Variants in FANCI observed in about 807,000 individuals in gnomAD.
FANCI encodes FA complementation group I.
Under a neutral mutation model 176.1 loss-of-function variants are expected in FANCI, and 156 were observed. That is an observed-to-expected ratio of 0.89 (90% CI 0.78 to 1.01). The LOEUF (loss-of-function observed/expected upper bound fraction) is 1.01, where lower values mean the gene tolerates loss of function less well. Ranked by LOEUF, FANCI falls within the 50% of genes least tolerant of loss-of-function variation. The pLI, the probability that FANCI is intolerant of heterozygous loss-of-function variation, is 0.00. For missense variants in FANCI, 1,678 were observed against 1,534.1 expected (o/e 1.09, Z -1.57); for synonymous variants, 613 against 541.7 (o/e 1.13, Z -1.83).
chr15:89,247,658 AGATTTT>A lies in FANCI; in HGVS notation c.12_17del (p.Ile5_Leu6del). ...GTGATATGAGCAACAATGGACCAGA[AGATTTT>A]ATCTCTAGCAGCAGAAAAAACAGCA... On this transcript the variant is annotated inframe_deletion, in exon 2 of 38. Transcript: ENST00000310775. 1 of 1,614,004 alleles carries A rather than the reference AGATTTT, an allele frequency of 6.2e-7. No homozygotes were observed. The highest frequency in any genetic ancestry group is 8.5e-7 in the Non-Finnish European group (1 of 1,179,936).
At chr15:89,284,006 C>T (rs2053722885) in intron 17 of FANCI, among the ~76,000 whole-genome samples, 1 of 152,086 alleles carries the variant, frequency 6.6e-6, no homozygotes, top group African/African-American at 2.4e-5. Context: ...CGTGATCCAC[C>T]CGCCTCGGCC....
intron 3 of FANCI, among the ~76,000 whole-genome samples, chr15:89,260,085 C>T (rs2052651674): frequency 6.6e-6 from 1 of 151,986 alleles, no homozygotes. Flanking sequence ...ATTAGGATGC[C>T]AATTTTTTCA....
At chr15:89,311,310 T>C (rs2054949924) in intron 34 of FANCI, among the ~76,000 whole-genome samples, 1 of 151,890 alleles carries the variant, frequency 6.6e-6, no homozygotes. Context: ...TCCCAGCTAC[T>C]CGGGAAGCTG....
intron 24 of FANCI, among the ~76,000 whole-genome samples, chr15:89,295,719 G>A (rs1298836677): frequency 6.9e-6 from 1 of 144,800 alleles, no homozygotes; most frequent in Non-Finnish European, 1.5e-5. Flanking sequence ...TTCTAGTCTT[G>A]CCTTCCCCTG....
chr15:89,268,316 CCG>C (rs535052862), intron 9 of FANCI, 81 bp from the exon 10 acceptor site: 158 of 1,492,368 alleles, frequency 1.1e-4, no homozygotes, highest in East Asian at 7.0e-4. Context: ...AGTGATGCGC[CCG>C]CCTTGGCCTC....
chr15:89,278,103 T>A (rs986697059), intron 13 of FANCI, among the ~76,000 whole-genome samples: 1 of 152,246 alleles, frequency 6.6e-6, no homozygotes, highest in Non-Finnish European at 1.5e-5. Flanking sequence ...CACATGGATG[T>A]CGGCTTTATC....
At chr15:89,262,969 A>G (rs983803702) in intron 6 of FANCI, among the ~76,000 whole-genome samples, 1 of 152,236 alleles carries the variant, frequency 6.6e-6, no homozygotes, top group African/African-American at 2.4e-5. Flanking sequence ...CCTGGCCTCA[A>G]GGGATCCTCC....
intron 2 of FANCI, among the ~76,000 whole-genome samples, chr15:89,252,794 CTA>C (rs1224706857): frequency 6.6e-6 from 1 of 152,124 alleles, no homozygotes; most frequent in Non-Finnish European, 1.5e-5. Context: ...CGAAAAAAAA[CTA>C]TGAAACACTT....
At chr15:89,267,331 AATTTT>A (rs2053008440) in intron 9 of FANCI, among the ~76,000 whole-genome samples, 1 of 145,216 alleles carries the variant, frequency 6.9e-6, no homozygotes, top group South Asian at 2.1e-4. Context: ...AAAAAAAAAA[AATTTT>A]TTTTTTTTTT....
chr15:89,314,032 G>A lies in FANCI; in HGVS notation c.3721-580G>A, dbSNP rs151209723. 2.6e-4 allele frequency among the ~76,000 whole-genome samples: 38 copies of A among 143,820 alleles called. No homozygotes were observed. In the East Asian group the frequency reaches 7.5e-3, roughly 29 times the overall value. The allele number at this position is 143,820 out of a possible 152,430, so 94.4% of individuals were successfully genotyped here. A position where few individuals can be genotyped will look rare whatever the true frequency, so the allele number is the denominator to read the frequency against. ...GTAGGACCTACAAATTACAGTTCAC[G>A]TTAGGGGGAAAGATATATAATCACA... On this transcript the variant is annotated intron_variant, in intron 35 of 37. Coordinates refer to ENST00000310775, the MANE Select transcript of FANCI (RefSeq NM_001113378.2).
At position 89,294,010 on chromosome 15, in the gene FANCI, T is replaced by TA; in HGVS notation, c.2456+14dup. Reference sequence around the variant, plus strand: ...CTGCTCTTTTCAGGTAAGGTTCTGCTAGAGTGCTTAAAGACAGCCACTCCC... The same window carrying TA: ...CTGCTCTTTTCAGGTAAGGTTCTGCTAAGAGTGCTTAAAGACAGCCACTCCC... On this transcript the variant is annotated intron_variant, in intron 23 of 37. Transcript: ENST00000310775. 6.2e-7 allele frequency: 1 copy of TA among 1,614,062 alleles called. No individual in the cohort carries two copies. Among genetic ancestry groups the TA allele is most frequent in the South Asian group, 1.1e-5 (1 of 91,074 alleles).
intron 24 of FANCI, 130 bp downstream of exon 24, chr15:89,295,224 T>C (rs2054207919): frequency 1.9e-6 from 2 of 1,074,690 alleles, no homozygotes; most frequent in Non-Finnish European, 2.6e-6. Context: ...TATAAAACAT[T>C]AGCCAGGTGG....
At chr15:89,285,048 G>A in intron 17 of FANCI, 48 bp from the exon 18 acceptor site, 1 of 1,612,908 alleles carries the variant, frequency 6.2e-7, no homozygotes, top group South Asian at 1.1e-5. Flanking sequence ...CTCCTTATTG[G>A]AAACAGCTTT....
intron 34 of FANCI, among the ~76,000 whole-genome samples, chr15:89,308,954 A>AT (rs1357830408): frequency 1.3e-5 from 2 of 151,876 alleles, no homozygotes; most frequent in Non-Finnish European, 1.5e-5. Flanking sequence ...TCAAAAAAAA[A>AT]AAAAATAAAG....
Position 89,312,921 on chromosome 15 carries a change from G to C in FANCI, c.3669G>C (p.Leu1223=). 6.2e-7 allele frequency: 1 copy of C among 1,613,754 alleles called. No homozygotes were observed. Residue 1223 remains leucine, a synonymous_variant, in exon 35 of 38, where the codon CTG becomes CTC. Coordinates refer to ENST00000310775, the MANE Select transcript of FANCI (RefSeq NM_001113378.2). ...TTCTTTAGAATAAGAGTAAGAGCCT[G>C]AACTATACGGGAGAGAAAAAGGAGA... The part of the protein sequence containing the change: ...ISYVQNKSKS[L]NYTGEKKEKP...
intron 24 of FANCI, among the ~76,000 whole-genome samples, chr15:89,296,411 T>C (rs201402517): frequency 8.6e-6 from 1 of 116,382 alleles, no homozygotes; most frequent in South Asian, 2.6e-4. Context: ...GCTTTTGTTT[T>C]TTCGTTTTTT....
At chr15:89,283,047 C>A in intron 16 of FANCI, 89 bp from the exon 17 acceptor site, 1 of 1,254,466 alleles carries the variant, frequency 8.0e-7, no homozygotes, top group Non-Finnish European at 1.2e-6. Flanking sequence ...CATATGCCTT[C>A]TCTGTATGCA....
chr15:89,294,582 C>G (rs1371353803), intron 23 of FANCI, among the ~76,000 whole-genome samples: 1 of 149,738 alleles, frequency 6.7e-6, no homozygotes, highest in African/African-American at 2.5e-5. Flanking sequence ...CAAAATTCTG[C>G]CTAAATAAAT....
chr15:89,283,373 A>ATGATGATGATGGTGC, intron 17 of FANCI, 123 bp downstream of exon 17: 1 of 1,380,996 alleles, frequency 7.2e-7, no homozygotes, highest in Non-Finnish European at 1.0e-6. Context: ...AAAGAGTCTG[A>ATGATGATGATGGTGC]TGATGATGAT....
Sources: gnomAD v4.1 joint callset for allele counts (sites outside exome capture counted in the v4.1 genomes callset) on GRCh38, gnomAD v4.1.1 for gene constraint, MANE v1.5 for transcripts, NCBI Gene and HGNC (gene_info 2026-07-23, HGNC 2026-07-21) for gene names.